GPN1: variants seen among roughly 807,000 people sequenced by gnomAD.
The protein encoded by GPN1 is ATP(GTP)-binding protein.
GPN1 carries 44 observed loss-of-function variants against 55.9 expected under a neutral mutation model. The observed-to-expected ratio is 0.79, with a 90% CI of 0.62 to 1.01. GPN1 has a LOEUF of 1.01. GPN1 is among the 50% of genes least tolerant of loss of function. The pLI, the probability that GPN1 is intolerant of heterozygous loss-of-function variation, is 0.00. For synonymous variants in GPN1, 179 were observed against 162.5 expected (o/e 1.10, Z -0.77); for missense variants, 466 against 462.8 (o/e 1.01, Z -0.06).
At chr2:27,638,461 A>T (rs866170652) in intron 8 of GPN1, among the ~76,000 whole-genome samples, 2 of 152,252 alleles carry the variant, frequency 1.3e-5, no homozygotes, top group African/African-American at 4.8e-5. Context: ...ATTTTAGGCT[A>T]GGTAGAGTAG....
In GPN1 at chr2:27,629,060, TGGC is replaced by T. The variant is rs779393351; in HGVS notation, c.7_9del (p.Ala3?). On this transcript the variant is annotated start_lost and inframe_deletion, in exon 1 of 14. Coordinates refer to ENST00000610189, the MANE Select transcript of GPN1 (RefSeq NM_007266.4). ...CGGGTGGGTGGGGCCAGGAGGAAGATGGCGGCGTCCGCAGCTGCCGCTGAGCTC... is the reference window on the plus strand; with the variant it reads ...CGGGTGGGTGGGGCCAGGAGGAAGATGGCGTCCGCAGCTGCCGCTGAGCTC... 2.0e-5 allele frequency: 32 copies of T among 1,614,028 alleles called. No individual in the cohort carries two copies. In the African/African-American group the frequency reaches 3.7e-4, roughly 19 times the overall value.
At position 27,642,521 on chromosome 2, in the gene GPN1, T is replaced by C. The variant is rs1673997820; in HGVS notation, c.931+2T>C. 1.9e-6 allele frequency: 3 copies of C among 1,573,698 alleles called. No individual in the cohort carries two copies. The highest frequency in any genetic ancestry group is 1.4e-5 in the African/African-American group (1 of 73,984). On this transcript the variant is annotated splice_donor_variant, in intron 12 of 13. Transcript: ENST00000610189. LOFTEE classifies it high-confidence loss of function. Reference sequence around the variant, plus strand: ...CCTTGGATGCAGGGACTGCCAAAGGTATTGGAGGGTTTCTTGGTGTTAGGA... The same window carrying C: ...CCTTGGATGCAGGGACTGCCAAAGGCATTGGAGGGTTTCTTGGTGTTAGGA...
Position 27,638,985 on chromosome 2 carries a change from C to T in GPN1, c.671C>T (p.Thr224Ile). 3 of 1,613,550 alleles carry T rather than the reference C, an allele frequency of 1.9e-6. No individual in the cohort carries two copies. The highest frequency in any genetic ancestry group is 2.5e-6 in the Non-Finnish European group (3 of 1,179,642). The part of the protein sequence containing the change: ...NQETTYVSNL[T>I]RSMSLVLDEF... ...GAGACTACATACGTCAGTAACCTGA[C>T]TCGTTCAATGAGCCTGGTGTTAGAT... is the stretch of plus-strand genomic sequence containing the variant. The change falls in exon 9 of 14, where the codon ACT becomes ATT. Residue 224 changes from threonine (T) to isoleucine (I), a missense_variant. By Grantham distance (89) the Thr-to-Ile change is moderately conservative. Coordinates refer to ENST00000610189, the MANE Select transcript of GPN1 (RefSeq NM_007266.4).
At position 27,650,506 on chromosome 2, in the gene GPN1, T is replaced by C. The variant is rs1674476155; in HGVS notation, c.*306T>C. On this transcript the variant is annotated 3_prime_UTR_variant, in exon 14 of 14. Coordinates refer to ENST00000610189, the MANE Select transcript of GPN1 (RefSeq NM_007266.4). ...TTTTATCATTTGAACTCAAGTACTTTTGCTGCTGAGGAATGGAATCAAAAG... is the reference window on the plus strand; with the variant it reads ...TTTTATCATTTGAACTCAAGTACTTCTGCTGCTGAGGAATGGAATCAAAAG... The C allele has an allele frequency of 5.6e-6, 1 of 179,782 alleles. No individual in the cohort carries two copies. The highest frequency in any genetic ancestry group is 2.4e-5 in the African/African-American group (1 of 42,152). 11.1% of individuals were successfully genotyped at this position (179,782 alleles called of 1,614,324 possible).
At chr2:27,636,287 T>G (rs1012238983) in intron 7 of GPN1, among the ~76,000 whole-genome samples, 1 of 152,124 alleles carries the variant, frequency 6.6e-6, no homozygotes, top group Non-Finnish European at 1.5e-5. Context: ...CTCACTAGAT[T>G]AGTGCATTAA....
At chr2:27,638,137 C>G in intron 7 of GPN1, 73 bp from the exon 8 acceptor site, 1 of 810,628 alleles carries the variant, frequency 1.2e-6, no homozygotes, top group Non-Finnish European at 2.2e-6. Flanking sequence ...CTTACTTAGT[C>G]CCGACATGCT....
chr2:27,629,340 C>A, intron 1 of GPN1, 171 bp downstream of exon 1: 1 of 1,527,592 alleles, frequency 6.5e-7, no homozygotes, highest in Non-Finnish European at 8.9e-7. Context: ...GGGCCCTAGC[C>A]AGGTTAATTA....
At position 27,650,453 on chromosome 2, in the gene GPN1, G is replaced by A. The variant is rs1674472459; in HGVS notation, c.*253G>A. ...TATGCAAGGAAGGATATACTGAGCT[G>A]ATACTCTTCCAAGCCTACAACTTCA... On this transcript the variant is annotated 3_prime_UTR_variant, in exon 14 of 14. Coordinates refer to ENST00000610189, the MANE Select transcript of GPN1 (RefSeq NM_007266.4). The A allele has an allele frequency of 1.2e-5, 3 of 255,504 alleles. No homozygotes were observed. Among genetic ancestry groups the A allele is most frequent in the African/African-American group, 4.5e-5 (2 of 44,638 alleles). The allele number at this position is 255,504 out of a possible 1,614,324, so 15.8% of individuals were successfully genotyped here. A position where few individuals can be genotyped will look rare whatever the true frequency, so the allele number is the denominator to read the frequency against.
chr2:27,641,815 T>C (rs1673966143), intron 11 of GPN1, among the ~76,000 whole-genome samples: 3 of 152,112 alleles, frequency 2.0e-5, no homozygotes, highest in Admixed American at 2.0e-4. Flanking sequence ...CCCAGGCTGG[T>C]CTCAAATTCC....
chr2:27,636,567 G>A lies in GPN1; in HGVS notation c.524+1333G>A, dbSNP rs146969564. Among the ~76,000 whole-genome samples, 575 of 152,080 alleles carry A rather than the reference G, an allele frequency of 3.8e-3. 1 individual carries two copies. The highest frequency in any genetic ancestry group is 0.013 in the African/African-American group (555 of 41,500). On this transcript the variant is annotated intron_variant, in intron 7 of 13. Coordinates refer to ENST00000610189, the MANE Select transcript of GPN1 (RefSeq NM_007266.4). ...TGGAGTACAGTGGCACAATCTCACC[G>A]TACTGCAATTTCCGCCTACTGGGTT...
rs1572948391 is a variant in GPN1 at position 27,629,124 on chromosome 2, G to T, written c.66G>T (p.Leu22=). Residue 22 remains leucine (L), a synonymous_variant, in exon 1 of 14, where the codon CTG becomes CTT. Transcript: ENST00000610189. Reference sequence around the variant, plus strand: ...GGGGTCCGCGGCACCCAGTGTGTCTGTTGGTGTTGGGAATGGCGGGATCCG... The same window carrying T: ...GGGGTCCGCGGCACCCAGTGTGTCTTTTGGTGTTGGGAATGGCGGGATCCG... ...ASGGPRHPVC[L]LVLGMAGSGK... The T allele has an allele frequency of 3.7e-6, 6 of 1,614,248 alleles. No individual in the cohort carries two copies. The East Asian group carries it at 1.3e-4, about 36-fold the overall frequency.
chr2:27,629,370 T>G, intron 1 of GPN1: 1 of 1,550,294 alleles, frequency 6.5e-7, no homozygotes, highest in South Asian at 1.2e-5. Flanking sequence ...TCTGCGCACC[T>G]TCAGGGCATA....
intron 5 of GPN1, among the ~76,000 whole-genome samples, chr2:27,633,962 A>G (rs1427689350): frequency 6.6e-6 from 1 of 151,708 alleles, no homozygotes; most frequent in African/African-American, 2.4e-5. Context: ...ATCACTCCTT[A>G]TTTTCTGTTC....
At chr2:27,634,815 A>T in intron 5 of GPN1, 31 bp from the exon 6 acceptor site, 1 of 1,204,476 alleles carries the variant, frequency 8.3e-7, no homozygotes, top group Non-Finnish European at 1.2e-6. Flanking sequence ...ACACAAATGT[A>T]ACACTTCTTT....
chr2:27,638,582 G>C (rs1673820987), intron 8 of GPN1, among the ~76,000 whole-genome samples: 1 of 152,196 alleles, frequency 6.6e-6, no homozygotes, highest in Non-Finnish European at 1.5e-5. Context: ...CTTCTCTGTT[G>C]GTTGATGGCT....
In GPN1 at chr2:27,639,349, A is replaced by T. The variant is rs537781032; in HGVS notation, c.717+318A>T. On this transcript the variant is annotated intron_variant, in intron 9 of 13. Coordinates refer to ENST00000610189, the MANE Select transcript of GPN1 (RefSeq NM_007266.4). ...AGATCAAAATGACAGATTTTGGAGG[A>T]TGTAGCATTAGAGGTATGCTTTGAA... Among the ~76,000 whole-genome samples the T allele has an allele frequency of 3.9e-5, 6 of 152,318 alleles. No homozygotes were observed. The East Asian group carries it at 1.2e-3, about 29-fold the overall frequency.
chr2:27,631,148 C>T, intron 3 of GPN1, 82 bp downstream of exon 3: 2 of 761,036 alleles, frequency 2.6e-6, no homozygotes, highest in Non-Finnish European at 4.7e-6. Context: ...AGTGTTTTTG[C>T]CTTTTCCTTG....
chr2:27,638,733 G>T, intron 8 of GPN1, 152 bp from the exon 9 acceptor site: 1 of 626,998 alleles, frequency 1.6e-6, no homozygotes. Context: ...CAATGATTGT[G>T]GTTCTTTGTG....
chr2:27,648,454 G>A (rs921073783), intron 13 of GPN1, among the ~76,000 whole-genome samples: 1 of 152,146 alleles, frequency 6.6e-6, no homozygotes, highest in African/African-American at 2.4e-5. Flanking sequence ...AGAAGTTTGA[G>A]GCTATTATGA....
Sources: gnomAD v4.1 joint callset for allele counts (sites outside exome capture counted in the v4.1 genomes callset) on GRCh38, gnomAD v4.1.1 for gene constraint, MANE v1.5 for transcripts, NCBI Gene and HGNC (gene_info 2026-07-23, HGNC 2026-07-21) for gene names.